ABHD17B: variants seen among roughly 807,000 people sequenced by gnomAD.
The protein encoded by ABHD17B is abhydrolase domain containing 17B, depalmitoylase, also known as alpha/beta hydrolase domain-containing protein 17B.
Under a neutral mutation model 26.2 loss-of-function variants are expected in ABHD17B, and 9 were observed. That is an observed-to-expected ratio of 0.34 (90% CI 0.21 to 0.60). ABHD17B has a LOEUF of 0.60. Ranked by LOEUF, ABHD17B falls within the 20% of genes least tolerant of loss-of-function variation. The pLI, the probability that ABHD17B is intolerant of heterozygous loss-of-function variation, is 0.80. For missense variants in ABHD17B, 224 were observed against 352.1 expected (o/e 0.64, Z 2.91); for synonymous variants, 127 against 122.3 (o/e 1.04, Z -0.25).
At chr9:71,901,752 T>C (rs1827148980) in intron 1 of ABHD17B, among the ~76,000 whole-genome samples, 1 of 152,130 alleles carries the variant, frequency 6.6e-6, no homozygotes, top group Non-Finnish European at 1.5e-5. Context: ...CCTATGGACC[T>C]CTCTCCAAAC....
intron 1 of ABHD17B, among the ~76,000 whole-genome samples, chr9:71,883,036 C>CA (rs5898238): frequency 0.81 from 123,293 of 151,788 alleles, 50,893 homozygotes; most frequent in East Asian, 0.93. Flanking sequence ...CCCAGCTACT[C>CA]AGAGGCTGAG....
At chr9:71,874,392 A>C (rs1044648680) in intron 2 of ABHD17B, among the ~76,000 whole-genome samples, 1 of 152,230 alleles carries the variant, frequency 6.6e-6, no homozygotes, top group South Asian at 2.1e-4. Flanking sequence ...TACGTGTATT[A>C]ATGTAGACAA....
chr9:71,865,556 G>A lies in ABHD17B; in HGVS notation c.*1231C>T, dbSNP rs765252189. 163 of 985,116 alleles carry A rather than the reference G, an allele frequency of 1.7e-4. No individual in the cohort carries two copies. Among genetic ancestry groups the A allele is most frequent in the Non-Finnish European group, 1.9e-4 (159 of 829,886 alleles). 61.0% of individuals were successfully genotyped at this position (985,116 alleles called of 1,614,324 possible). A position where few individuals can be genotyped will look rare whatever the true frequency, so the allele number is the denominator to read the frequency against. On this transcript the variant is annotated 3_prime_UTR_variant, in exon 4 of 4. Coordinates refer to ENST00000333421, the MANE Select transcript of ABHD17B (RefSeq NM_001025780.3). ...TCTCAGATAGTAATCCAAAACAATA[G>A]GTCCTATTTTTAAAAATAGCTAAAG...
chr9:71,866,489 A>G lies in ABHD17B; in HGVS notation c.*298T>C. The G allele has an allele frequency of 9.2e-7, 1 of 1,083,026 alleles. No homozygotes were observed. The highest frequency in any genetic ancestry group is 4.6e-5 in the Admixed American group (1 of 21,732). 67.1% of individuals were successfully genotyped at this position (1,083,026 alleles called of 1,614,324 possible). A position where few individuals can be genotyped will look rare whatever the true frequency, so the allele number is the denominator to read the frequency against. Reference sequence around the variant, plus strand: ...TTTCTAGTATGCAAAAGCATTTGGCAATACTTTTACAGCATTTGATTTTAT... The same window carrying G: ...TTTCTAGTATGCAAAAGCATTTGGCGATACTTTTACAGCATTTGATTTTAT... On this transcript the variant is annotated 3_prime_UTR_variant, in exon 4 of 4. Coordinates refer to ENST00000333421, the MANE Select transcript of ABHD17B (RefSeq NM_001025780.3).
chr9:71,886,212 C>A (rs2132168199), intron 1 of ABHD17B, among the ~76,000 whole-genome samples: 1 of 152,158 alleles, frequency 6.6e-6, no homozygotes, highest in East Asian at 1.9e-4. Flanking sequence ...TTTTAGAAAG[C>A]CATACACATT....
At chr9:71,899,072 C>T (rs1827054388) in intron 1 of ABHD17B, among the ~76,000 whole-genome samples, 2 of 150,972 alleles carry the variant, frequency 1.3e-5, no homozygotes, top group Admixed American at 6.6e-5. Context: ...TACAGTGAGC[C>T]GAGATTGTGC....
intron 1 of ABHD17B, among the ~76,000 whole-genome samples, chr9:71,876,451 A>G (rs561880086): frequency 2.0e-5 from 3 of 152,178 alleles, no homozygotes; most frequent in Non-Finnish European, 4.4e-5. Flanking sequence ...GACAAAAATA[A>G]AGTAATACTT....
rs1357848900 is a variant in ABHD17B, at chr9:71,874,826, A to C, written c.255T>G (p.Arg85=). ...KGNRIACMFV[R]CSPNAKYTLL... ...AAGTGTATTTCGCATTGGGTGAACA[A>C]CGTACAAACATACAAGCAATTCTGT... The change falls in exon 2 of 4, where the codon CGT becomes CGG. Residue 85 remains arginine (R), a synonymous_variant. Coordinates refer to ENST00000333421, the MANE Select transcript of ABHD17B (RefSeq NM_001025780.3). 6.2e-7 allele frequency: 1 copy of C among 1,614,126 alleles called. No individual in the cohort carries two copies. The highest frequency in any genetic ancestry group is 8.5e-7 in the Non-Finnish European group (1 of 1,180,052).
At chr9:71,871,839 G>A (rs1371795324) in intron 2 of ABHD17B, among the ~76,000 whole-genome samples, 1 of 152,154 alleles carries the variant, frequency 6.6e-6, no homozygotes, top group Non-Finnish European at 1.5e-5. Flanking sequence ...ACACAGATGA[G>A]GAACTCAAGG....
At chr9:71,900,641 G>C (rs183965535) in intron 1 of ABHD17B, among the ~76,000 whole-genome samples, 80 of 109,004 alleles carry the variant, frequency 7.3e-4, no homozygotes, top group African/African-American at 2.8e-3. Flanking sequence ...GACAGAGTGA[G>C]ACTCCATCTC....
rs147501496 is a variant in ABHD17B at position 71,884,494 on chromosome 9, A to G, written c.-3-9411T>C. 2.7e-3 allele frequency among the ~76,000 whole-genome samples: 411 copies of G among 152,336 alleles called. 2 individuals are homozygous for G. The highest frequency in any genetic ancestry group is 4.5e-3 in the Non-Finnish European group (303 of 68,032). The stretch of plus-strand genomic sequence containing the variant: ...ATAATGGTATTGGGTGAAAAAAGTA[A>G]GGTACGAACAGATCTATAATATCAT... On this transcript the variant is annotated intron_variant, in intron 1 of 3. Transcript: ENST00000333421.
Position 71,911,122 on chromosome 9 carries a change from G to A in ABHD17B, c.-492C>T, listed in dbSNP as rs1373845666. ...GCCAAGCGCGAGGCTCGTTCCGGTA[G>A]CGGGAGGAAGACTGGAGGGGAACGG... On this transcript the variant is annotated 5_prime_UTR_variant, in exon 1 of 4. Transcript: ENST00000333421. Among the ~76,000 whole-genome samples, 1 of 152,158 alleles carries A rather than the reference G, an allele frequency of 6.6e-6. No individual in the cohort carries two copies. Among genetic ancestry groups the A allele is most frequent in the Non-Finnish European group, 1.5e-5 (1 of 68,024 alleles).
intron 2 of ABHD17B, among the ~76,000 whole-genome samples, chr9:71,872,095 T>A (rs924161899): frequency 6.6e-6 from 1 of 152,212 alleles, no homozygotes; most frequent in Non-Finnish European, 1.5e-5. Context: ...CACATTTCAT[T>A]AGATGACAGA....
intron 2 of ABHD17B, among the ~76,000 whole-genome samples, chr9:71,873,169 A>G (rs1164220161): frequency 6.6e-6 from 1 of 152,084 alleles, no homozygotes; most frequent in East Asian, 1.9e-4. Context: ...TTTTATTTTC[A>G]TATAATATAA....
At chr9:71,907,998 G>A (rs1003713912) in intron 1 of ABHD17B, among the ~76,000 whole-genome samples, 1 of 152,244 alleles carries the variant, frequency 6.6e-6, no homozygotes, top group Non-Finnish European at 1.5e-5. Flanking sequence ...TTCAGGACTA[G>A]AGAAGACCCA....
At chr9:71,896,107 T>C (rs937075792) in intron 1 of ABHD17B, among the ~76,000 whole-genome samples, 1 of 152,242 alleles carries the variant, frequency 6.6e-6, no homozygotes. Flanking sequence ...TTTTTGCACC[T>C]ATCTCATCTG....
At chr9:71,894,951 T>C (rs1826912006) in intron 1 of ABHD17B, among the ~76,000 whole-genome samples, 1 of 152,212 alleles carries the variant, frequency 6.6e-6, no homozygotes, top group Admixed American at 6.5e-5. Flanking sequence ...CCCTCCCCAC[T>C]GCACATACTT....
intron 1 of ABHD17B, among the ~76,000 whole-genome samples, chr9:71,886,004 A>G (rs940748712): frequency 6.6e-6 from 1 of 152,208 alleles, no homozygotes; most frequent in South Asian, 2.1e-4. Context: ...TATGTTGACA[A>G]CTATGCTCAG....
chr9:71,871,690 T>C (rs1290116207), intron 2 of ABHD17B, among the ~76,000 whole-genome samples: 1 of 152,218 alleles, frequency 6.6e-6, no homozygotes, highest in Non-Finnish European at 1.5e-5. Flanking sequence ...CAGTATGAGC[T>C]AGAAAGGAGT....
Sources: gnomAD v4.1 joint callset for allele counts (sites outside exome capture counted in the v4.1 genomes callset) on GRCh38, gnomAD v4.1.1 for gene constraint, MANE v1.5 for transcripts, NCBI Gene and HGNC (gene_info 2026-07-23, HGNC 2026-07-21) for gene names.